SORCS2: variants seen among roughly 807,000 people sequenced by gnomAD.
SORCS2 encodes sortilin related VPS10 domain containing receptor 2, also known as VPS10 domain-containing receptor SorCS2.
SORCS2 carries 100 observed loss-of-function variants against 141.6 expected under a neutral mutation model. The observed-to-expected ratio is 0.71, with a 90% confidence interval of 0.60 to 0.83. The LOEUF (loss-of-function observed/expected upper bound fraction) is 0.83, where lower values mean the gene tolerates loss of function less well. Among genes scored for constraint, SORCS2 ranks in the 40% least tolerant of loss-of-function variants. SORCS2 has a pLI of 0.00. For missense variants in SORCS2, 1,646 were observed against 1,560.2 expected (o/e 1.05, Z -0.93); for synonymous variants, 789 against 676.9 (o/e 1.17, Z -2.57).
At chr4:7,685,779 G>A (rs1723837709) in intron 10 of SORCS2, among the ~76,000 whole-genome samples, 1 of 152,168 alleles carries the variant, frequency 6.6e-6, no homozygotes, top group Non-Finnish European at 1.5e-5. Flanking sequence ...AAGTGCAGGG[G>A]CAGGACAAGT....
At chr4:7,727,600 A>G (rs1214747694) in intron 21 of SORCS2, among the ~76,000 whole-genome samples, 1 of 152,216 alleles carries the variant, frequency 6.6e-6, no homozygotes, top group Non-Finnish European at 1.5e-5. Context: ...CACACCCTGG[A>G]GGAGGCTGCC....
intron 9 of SORCS2, among the ~76,000 whole-genome samples, chr4:7,679,654 T>C (rs753679729): frequency 6.6e-6 from 1 of 151,490 alleles, no homozygotes; most frequent in Non-Finnish European, 1.5e-5. Context: ...CCCTGGAGTC[T>C]GCAGAGGGAG....
intron 1 of SORCS2, among the ~76,000 whole-genome samples, chr4:7,383,381 G>T (rs535931523): frequency 1.3e-5 from 2 of 152,100 alleles, no homozygotes; most frequent in African/African-American, 4.8e-5. Context: ...TCTTCCACCC[G>T]CCCCTCCTCC....
At chr4:7,613,319 G>A (rs1718543958) in intron 3 of SORCS2, among the ~76,000 whole-genome samples, 1 of 152,260 alleles carries the variant, frequency 6.6e-6, no homozygotes, top group Non-Finnish European at 1.5e-5. Context: ...ACAGATGAGA[G>A]TGATTGAGGA....
chr4:7,586,637 G>A (rs1239391831), intron 3 of SORCS2, among the ~76,000 whole-genome samples: 2 of 152,140 alleles, frequency 1.3e-5, no homozygotes, highest in Admixed American at 6.5e-5. Flanking sequence ...AGCTCCATCC[G>A]TGTCCCGGCA....
chr4:7,250,738 G>A (rs1381502794), intron 1 of SORCS2, among the ~76,000 whole-genome samples: 2 of 152,398 alleles, frequency 1.3e-5, no homozygotes, highest in East Asian at 3.9e-4. Context: ...TGGGCAGGCA[G>A]CGCTTTTGCG....
chr4:7,381,796 C>T (rs996685049), intron 1 of SORCS2: 1 of 477,302 alleles, frequency 2.1e-6, no homozygotes, highest in Non-Finnish European at 2.7e-6. Flanking sequence ...GGACTGCAGC[C>T]ATGTGCAGCC....
intron 2 of SORCS2, among the ~76,000 whole-genome samples, chr4:7,467,330 C>A (rs768674634): frequency 5.9e-5 from 9 of 152,204 alleles, no homozygotes; most frequent in Non-Finnish European, 1.0e-4. Context: ...AGGGCTCCCA[C>A]TCAGATCTGC....
intron 3 of SORCS2, among the ~76,000 whole-genome samples, chr4:7,532,997 C>T (rs985786820): frequency 2.6e-5 from 4 of 151,098 alleles, no homozygotes; most frequent in Admixed American, 6.6e-5. Context: ...GGTGGGTTGA[C>T]CTGAGCCAGC....
chr4:7,453,287 G>A (rs1728610227), intron 2 of SORCS2, among the ~76,000 whole-genome samples: 2 of 133,726 alleles, frequency 1.5e-5, no homozygotes, highest in African/African-American at 2.9e-5. Flanking sequence ...GGGGTCAGGA[G>A]CTGTGTGTTG....
intron 11 of SORCS2, among the ~76,000 whole-genome samples, chr4:7,693,838 T>C (rs987629213): frequency 1.3e-5 from 2 of 152,182 alleles, no homozygotes; most frequent in African/African-American, 2.4e-5. Context: ...TGTCAGGACA[T>C]GTCTAGATGT....
chr4:7,719,165 T>C (rs1385252003), intron 18 of SORCS2, among the ~76,000 whole-genome samples: 1 of 152,212 alleles, frequency 6.6e-6, no homozygotes, highest in Non-Finnish European at 1.5e-5. Flanking sequence ...CAGTGATGTG[T>C]GTCCTGTTTA....
At position 7,215,051 on chromosome 4, in the gene SORCS2, ACCG is replaced by A. The variant is rs1257922226; in HGVS notation, c.480+21927_480+21929del. Among the ~76,000 whole-genome samples, 4 of 151,706 alleles carry A rather than the reference ACCG, an allele frequency of 2.6e-5. No homozygotes were observed. In the East Asian group the frequency reaches 7.9e-4, roughly 30 times the overall value. ...CGGCACTTGAGGAGCCCTTCAGCCC[ACCG>A]CTGCACTGTGGGAGCCCCTTCCTGG... On this transcript the variant is annotated intron_variant, in intron 1 of 26. Coordinates refer to ENST00000507866, the MANE Select transcript of SORCS2 (RefSeq NM_020777.3).
chr4:7,481,346 G>A (rs1213982117), intron 2 of SORCS2, among the ~76,000 whole-genome samples: 1 of 152,266 alleles, frequency 6.6e-6, no homozygotes, highest in South Asian at 2.1e-4. Flanking sequence ...GCACAAGAAT[G>A]CTGCCAGGCA....
At chr4:7,735,169 A>G (rs1712065913) in intron 25 of SORCS2, among the ~76,000 whole-genome samples, 1 of 152,050 alleles carries the variant, frequency 6.6e-6, no homozygotes, top group Admixed American at 6.5e-5. Context: ...ATTTGGCCCT[A>G]TTGTTTCTCC....
intron 1 of SORCS2, among the ~76,000 whole-genome samples, chr4:7,215,229 G>A (rs1728262480): frequency 6.6e-6 from 1 of 152,186 alleles, no homozygotes; most frequent in Non-Finnish European, 1.5e-5. Flanking sequence ...CCGAGCAGCA[G>A]GCCGGCCCTG....
chr4:7,535,888 C>G (rs905032920), intron 3 of SORCS2, among the ~76,000 whole-genome samples: 3 of 152,248 alleles, frequency 2.0e-5, no homozygotes, highest in Non-Finnish European at 4.4e-5. Context: ...GCTGCTTGCT[C>G]GTGGCATGTC....
chr4:7,705,009 G>C (rs984171912), intron 14 of SORCS2, among the ~76,000 whole-genome samples: 3 of 107,720 alleles, frequency 2.8e-5, no homozygotes, highest in African/African-American at 1.2e-4. Context: ...TATCTGAATA[G>C]TGTGTCCCAA....
rs572680378 is a variant in SORCS2, at chr4:7,470,993, G to T, written c.549-60537G>T. On this transcript the variant is annotated intron_variant, in intron 2 of 26. Coordinates refer to ENST00000507866, the MANE Select transcript of SORCS2 (RefSeq NM_020777.3). ...CCATGTCAGACAGAGTAGTCATGGG[G>T]TCTCTACCAGGAGCAACAGTCTGAG... 1.2e-3 allele frequency among the ~76,000 whole-genome samples: 177 copies of T among 152,242 alleles called. 1 individual carries two copies. Among genetic ancestry groups the T allele is most frequent in the African/African-American group, 4.0e-3 (166 of 41,548 alleles).
Sources: gnomAD v4.1 joint callset for allele counts (sites outside exome capture counted in the v4.1 genomes callset) on GRCh38, gnomAD v4.1.1 for gene constraint, MANE v1.5 for transcripts, NCBI Gene and HGNC (gene_info 2026-07-23, HGNC 2026-07-21) for gene names.